Variants in FHOD3 observed in about 807,000 individuals in gnomAD.
The protein encoded by FHOD3 is formin homology 2 domain containing 3.
Under a neutral mutation model 173.0 loss-of-function variants are expected in FHOD3, and 90 were observed. The ratio of observed to expected loss-of-function variants is 0.52; its 90% CI spans 0.44 to 0.62. The LOEUF (loss-of-function observed/expected upper bound fraction) is 0.62. Among genes scored for constraint, FHOD3 ranks in the 20% least tolerant of loss-of-function variants. FHOD3 has a pLI of 0.00. For missense variants in FHOD3, 1,945 were observed against 2,034.7 expected (o/e 0.96, Z 0.85); for synonymous variants, 828 against 823.0 (o/e 1.01, Z -0.10).
chr18:36,380,137 A>G (rs964672042), intron 3 of FHOD3, among the ~76,000 whole-genome samples: 2 of 152,256 alleles, frequency 1.3e-5, no homozygotes, highest in Non-Finnish European at 2.9e-5. Context: ...ATTTTAAAGG[A>G]GGAAAGAAAG....
chr18:36,579,973 A>G (rs766027116), intron 6 of FHOD3, among the ~76,000 whole-genome samples: 40 of 152,054 alleles, frequency 2.6e-4, no homozygotes, highest in Non-Finnish European at 4.9e-4. Flanking sequence ...ACAGAAATGC[A>G]TGCCATGGCT....
intron 27 of FHOD3, among the ~76,000 whole-genome samples, chr18:36,763,778 C>A (rs1191319267): frequency 6.6e-6 from 1 of 152,016 alleles, no homozygotes; most frequent in Non-Finnish European, 1.5e-5. Flanking sequence ...CCCAGTGTTA[C>A]ACCAACTGAG....
At chr18:36,722,211 C>T (rs774504099) in intron 19 of FHOD3, among the ~76,000 whole-genome samples, 3 of 152,134 alleles carry the variant, frequency 2.0e-5, no homozygotes, top group Admixed American at 6.5e-5. Flanking sequence ...ATGTGGTGAG[C>T]CCCATAGGAG....
chr18:36,323,804 C>G (rs1355929740), intron 1 of FHOD3, among the ~76,000 whole-genome samples: 1 of 152,226 alleles, frequency 6.6e-6, no homozygotes, highest in African/African-American at 2.4e-5. Flanking sequence ...GGGCACAGAG[C>G]CCCCATCAGC....
At chr18:36,564,857 TAG>T (rs996642214) in intron 5 of FHOD3, among the ~76,000 whole-genome samples, 4 of 152,042 alleles carry the variant, frequency 2.6e-5, no homozygotes, top group African/African-American at 9.7e-5. Flanking sequence ...CATTCTAAGG[TAG>T]AGAGAGGGTA....
At chr18:36,306,056 C>G (rs1390911758) in intron 1 of FHOD3, among the ~76,000 whole-genome samples, 2 of 152,290 alleles carry the variant, frequency 1.3e-5, no homozygotes, top group East Asian at 3.9e-4. Context: ...GTGCTACACC[C>G]TAGAAACCTA....
chr18:36,713,532 G>A (rs186739342), intron 18 of FHOD3, among the ~76,000 whole-genome samples: 1 of 152,274 alleles, frequency 6.6e-6, no homozygotes, highest in Admixed American at 6.5e-5. Flanking sequence ...ATGAAGAAAG[G>A]TTGACTAATG....
chr18:36,481,420 T>C (rs1237644515), intron 3 of FHOD3, among the ~76,000 whole-genome samples: 2 of 149,648 alleles, frequency 1.3e-5, no homozygotes, highest in Non-Finnish European at 3.0e-5. Flanking sequence ...TAAGTTGCTG[T>C]AAAGTGGGGG....
chr18:36,411,454 C>T (rs577589954), intron 3 of FHOD3, among the ~76,000 whole-genome samples: 4 of 152,322 alleles, frequency 2.6e-5, no homozygotes, highest in South Asian at 2.1e-4. Context: ...TTGAAACTAA[C>T]ATTCATAAAA....
intron 3 of FHOD3, among the ~76,000 whole-genome samples, chr18:36,414,488 A>G (rs1286492885): frequency 6.6e-6 from 1 of 152,198 alleles, no homozygotes; most frequent in Non-Finnish European, 1.5e-5. Flanking sequence ...GGTGGCAGCA[A>G]TACCAAGGAG....
chr18:36,339,791 A>G (rs1251352596), intron 1 of FHOD3, among the ~76,000 whole-genome samples: 1 of 152,242 alleles, frequency 6.6e-6, no homozygotes, highest in Non-Finnish European at 1.5e-5. Flanking sequence ...ACAATAGTAA[A>G]TAGCTGATTT....
chr18:36,589,284 A>C (rs907943805), intron 6 of FHOD3, among the ~76,000 whole-genome samples: 2 of 152,252 alleles, frequency 1.3e-5, no homozygotes, highest in Non-Finnish European at 2.9e-5. Flanking sequence ...AGTCTTTATT[A>C]TAACAGACAA....
chr18:36,306,990 G>A (rs1419382298), intron 1 of FHOD3, among the ~76,000 whole-genome samples: 1 of 152,110 alleles, frequency 6.6e-6, no homozygotes, highest in African/African-American at 2.4e-5. Flanking sequence ...CTGAGACGGA[G>A]TCTTGCTCTG....
chr18:36,368,930 T>C (rs2047031982), intron 2 of FHOD3, among the ~76,000 whole-genome samples: 1 of 152,098 alleles, frequency 6.6e-6, no homozygotes, highest in African/African-American at 2.4e-5. Flanking sequence ...ACCTGGGGAT[T>C]ACAAGTCAAG....
chr18:36,543,819 C>G (rs2057316058), intron 5 of FHOD3, among the ~76,000 whole-genome samples: 1 of 152,154 alleles, frequency 6.6e-6, no homozygotes, highest in Non-Finnish European at 1.5e-5. Flanking sequence ...CTGAGTGTTT[C>G]AAAAACAGTT....
At chr18:36,714,048 C>T (rs918593464) in intron 18 of FHOD3, among the ~76,000 whole-genome samples, 3 of 150,514 alleles carry the variant, frequency 2.0e-5, no homozygotes, top group Non-Finnish European at 4.4e-5. Context: ...GGACTAGGTA[C>T]GAAAGGAAGA....
chr18:36,768,077 T>C (rs975949358), intron 27 of FHOD3, among the ~76,000 whole-genome samples: 1 of 152,242 alleles, frequency 6.6e-6, no homozygotes, highest in Non-Finnish European at 1.5e-5. Flanking sequence ...GGGCTACTTG[T>C]GTGCCATAGG....
At chr18:36,477,482 CCCACCCAT>C (rs1305661736) in intron 3 of FHOD3, among the ~76,000 whole-genome samples, 15 of 147,504 alleles carry the variant, frequency 1.0e-4, no homozygotes, top group African/African-American at 3.3e-4. Flanking sequence ...AATCCACTCA[CCCACCCAT>C]CCATCCATCC....
intron 1 of FHOD3, among the ~76,000 whole-genome samples, chr18:36,353,546 AT>A (rs777016729): frequency 6.6e-6 from 1 of 152,176 alleles, no homozygotes; most frequent in Non-Finnish European, 1.5e-5. Context: ...GTAACCACAT[AT>A]TTGTCTCCAC....
Sources: allele counts gnomAD v4.1 joint callset (sites outside exome capture counted in the v4.1 genomes callset), GRCh38; gene constraint gnomAD v4.1.1; transcripts MANE v1.5; gene names NCBI Gene and HGNC (gene_info 2026-07-23, HGNC 2026-07-21).